PDE1C: variants seen among roughly 807,000 people sequenced by gnomAD.
PDE1C encodes the protein dual specificity calcium/calmodulin-dependent 3',5'-cyclic nucleotide phosphodiesterase 1C.
A neutral mutation model predicts 93.1 loss-of-function variants in PDE1C; 62 were observed. The ratio of observed to expected loss-of-function variants is 0.67; its 90% CI spans 0.54 to 0.82. PDE1C has a LOEUF of 0.82. PDE1C is among the 40% of genes least tolerant of loss of function. The probability of loss-of-function intolerance (pLI) is 0.00; values close to 1 mark genes in which losing one functional copy is unlikely to be tolerated. For missense variants in PDE1C, 742 were observed against 884.6 expected, an observed-to-expected ratio of 0.84 and a Z score of 2.04; for synonymous variants, 325 against 310.1, an observed-to-expected ratio of 1.05 and a Z score of -0.50.
the PDE1C span, among the ~76,000 whole-genome samples, chr7:31,744,581 C>A: frequency 6.6e-6 from 1 of 152,098 alleles, no homozygotes; most frequent in Non-Finnish European, 1.5e-5. Flanking sequence ...CCTATGGAAA[C>A]CTTTGAGCCA....
At chr7:32,373,143 T>C (rs929401459) in intron 1 of PDE1C, among the ~76,000 whole-genome samples, 5 of 152,148 alleles carry the variant, frequency 3.3e-5, no homozygotes, top group African/African-American at 1.2e-4. Flanking sequence ...CATACACCCA[T>C]GCAAAAACTT....
the PDE1C span, among the ~76,000 whole-genome samples, chr7:31,641,086 T>C: frequency 1.3e-5 from 2 of 152,160 alleles, no homozygotes; most frequent in East Asian, 3.9e-4. Flanking sequence ...ACATGGACCG[T>C]TAAGGCTCTC....
chr7:32,317,559 G>A (rs1022658217), intron 1 of PDE1C, among the ~76,000 whole-genome samples: 2 of 151,474 alleles, frequency 1.3e-5, no homozygotes, highest in Non-Finnish European at 1.5e-5. Flanking sequence ...AGATAAGAGT[G>A]ATAAAAAGAC....
chr7:32,013,869 C>G (rs1001855412), intron 2 of PDE1C, among the ~76,000 whole-genome samples: 3 of 152,152 alleles, frequency 2.0e-5, no homozygotes, highest in African/African-American at 7.2e-5. Context: ...GAAGAGGAAC[C>G]TCTACTTTAC....
chr7:32,221,909 C>T (rs980327330), intron 1 of PDE1C, among the ~76,000 whole-genome samples: 11 of 152,168 alleles, frequency 7.2e-5, no homozygotes, highest in Admixed American at 1.3e-4. Flanking sequence ...GATCACTACC[C>T]ACCTGGGCAA....
chr7:31,876,185 T>C (rs1796566315), intron 5 of PDE1C, among the ~76,000 whole-genome samples: 1 of 151,976 alleles, frequency 6.6e-6, no homozygotes, highest in Non-Finnish European at 1.5e-5. Context: ...AAACATTACA[T>C]TGTAAAAAGC....
At chr7:31,754,880 T>G (rs1226240662) in intron 17 of PDE1C, among the ~76,000 whole-genome samples, 1 of 152,188 alleles carries the variant, frequency 6.6e-6, no homozygotes, top group Non-Finnish European at 1.5e-5. Flanking sequence ...TAATCCTTAA[T>G]GTATGCAAAT....
intron 3 of PDE1C, among the ~76,000 whole-genome samples, chr7:32,085,913 A>G (rs1274192174): frequency 8.4e-4 from 125 of 148,154 alleles, no homozygotes; most frequent in African/African-American, 2.8e-3. Context: ...AATGGGCAAA[A>G]ACTGGAAGCA....
intron 3 of PDE1C, among the ~76,000 whole-genome samples, chr7:32,084,626 A>T (rs998764583): frequency 2.0e-5 from 3 of 151,696 alleles, no homozygotes; most frequent in African/African-American, 7.3e-5. Context: ...AGCAAATGTA[A>T]AAGAACAGAA....
At chr7:32,114,420 T>C (rs1297213417) in intron 3 of PDE1C, among the ~76,000 whole-genome samples, 1 of 151,952 alleles carries the variant, frequency 6.6e-6, no homozygotes, top group African/African-American at 2.4e-5. Flanking sequence ...CCCAGCCATA[T>C]GCAGAAAACT....
chr7:31,819,724 C>G (rs562267371), intron 14 of PDE1C, among the ~76,000 whole-genome samples: 72 of 152,210 alleles, frequency 4.7e-4, no homozygotes, highest in African/African-American at 1.7e-3. Flanking sequence ...TGGGGAAATA[C>G]ATTGATTTCT....
At chr7:32,230,331 T>G (rs1807605035) in intron 1 of PDE1C, among the ~76,000 whole-genome samples, 1 of 152,220 alleles carries the variant, frequency 6.6e-6, no homozygotes, top group Non-Finnish European at 1.5e-5. Flanking sequence ...TAATTTGCTC[T>G]TCCTTGGAAG....
At chr7:32,209,514 A>G in exon 2 of PDE1C, 1 of 1,573,826 alleles carries the variant, frequency 6.4e-7, no homozygotes, top group Admixed American at 1.8e-5. Flanking sequence ...GTGGTCTGGC[A>G]TTCTTGTCTC....
rs544684426 is a variant in PDE1C, at chr7:32,209,601, C to G, written c.86-62G>C. The G allele has an allele frequency of 2.4e-4, 315 of 1,328,050 alleles. 3 individuals carry two copies. In the South Asian group the frequency reaches 3.9e-3, roughly 16 times the overall value. The allele number at this position is 1,328,050 out of a possible 1,614,324, so 82.3% of individuals were successfully genotyped here. On this transcript the variant is annotated intron_variant, in intron 1 of 18. Coordinates refer to the PDE1C transcript ENST00000396193. ...AAGCAATGTGTCCACCAAATATGCCCCAATACAGCCAATCCCCTGGATGCT... is the reference window on the plus strand; with the variant it reads ...AAGCAATGTGTCCACCAAATATGCCGCAATACAGCCAATCCCCTGGATGCT...
At chr7:31,962,334 GA>G (rs1809116246) in intron 2 of PDE1C, among the ~76,000 whole-genome samples, 1 of 152,246 alleles carries the variant, frequency 6.6e-6, no homozygotes. Context: ...AGTCTGCACA[GA>G]AAAGTGAGTC....
chr7:32,173,789 G>C (rs762254131), intron 2 of PDE1C, among the ~76,000 whole-genome samples: 2 of 152,176 alleles, frequency 1.3e-5, no homozygotes, highest in Non-Finnish European at 2.9e-5. Flanking sequence ...ACCCTGGCTT[G>C]TTGTGCCAGA....
At chr7:31,871,006 A>G (rs1795882007) in intron 6 of PDE1C, among the ~76,000 whole-genome samples, 1 of 151,560 alleles carries the variant, frequency 6.6e-6, no homozygotes, top group Non-Finnish European at 1.5e-5. Flanking sequence ...AAAAAATAGT[A>G]TTTTCTGGTA....
intron 2 of PDE1C, among the ~76,000 whole-genome samples, chr7:31,892,954 G>T (rs1475375566): frequency 6.6e-6 from 1 of 152,134 alleles, no homozygotes; most frequent in African/African-American, 2.4e-5. Context: ...TGAGGTAATT[G>T]TTATGTTAAT....
downstream of PDE1C, among the ~76,000 whole-genome samples, chr7:31,746,495 G>A (rs1328654743): frequency 1.3e-5 from 2 of 152,268 alleles, no homozygotes; most frequent in East Asian, 3.9e-4. Context: ...AGAGTGACAA[G>A]GACAAATGCA....
Sources: allele counts gnomAD v4.1 joint callset (sites outside exome capture counted in the v4.1 genomes callset), GRCh38; gene constraint gnomAD v4.1.1; transcripts MANE v1.5; gene names NCBI Gene and HGNC (gene_info 2026-07-23, HGNC 2026-07-21).